Variants in ZNF469 observed in about 807,000 individuals in gnomAD.
ZNF469 encodes the protein zinc finger protein 469.
Under a neutral mutation model 1.0 loss-of-function variants are expected in ZNF469, and 1 was observed. The observed-to-expected ratio is 1.00, with a 90% CI of 0.35 to 4.73. ZNF469 has a LOEUF of 4.73. Among genes scored for constraint, ZNF469 ranks in the 30% most tolerant of loss-of-function variants. The pLI is 0.16. For synonymous variants in ZNF469, 2,703 were observed against 2,363.4 expected, an observed-to-expected ratio of 1.14 and a Z score of -4.17; for missense variants, 6,100 against 5,356.3, an observed-to-expected ratio of 1.14 and a Z score of -4.33.
the ZNF469 span, among the ~76,000 whole-genome samples, chr16:88,167,249 A>G: frequency 1.3e-5 from 2 of 151,620 alleles, no homozygotes; most frequent in Non-Finnish European, 2.9e-5. Flanking sequence ...TTTAGTAGAG[A>G]TGGGGTTTCA....
the ZNF469 span, among the ~76,000 whole-genome samples, chr16:88,239,519 C>T: frequency 5.4e-5 from 8 of 147,360 alleles, no homozygotes; most frequent in East Asian, 2.0e-4. Context: ...GACGGAGTCT[C>T]GCTCTGTCAC....
the ZNF469 span, among the ~76,000 whole-genome samples, chr16:88,209,770 C>G: frequency 3.3e-5 from 5 of 152,222 alleles, no homozygotes; most frequent in Admixed American, 6.5e-5. Flanking sequence ...TAGTACTCCA[C>G]TGTTTGGGCA....
At chr16:88,405,992 AC>A (rs1172385761) in intron 1 of ZNF469, among the ~76,000 whole-genome samples, 10 of 152,162 alleles carry the variant, frequency 6.6e-5, no homozygotes, top group Non-Finnish European at 1.5e-4. Context: ...GCTTTTGGGG[AC>A]TTTGAAGGAA....
chr16:88,414,444 G>A (rs1325030646), intron 1 of ZNF469, among the ~76,000 whole-genome samples: 1 of 152,242 alleles, frequency 6.6e-6, no homozygotes, highest in Non-Finnish European at 1.5e-5. Flanking sequence ...CCGCAGACTC[G>A]AGTTGTTGGA....
chr16:88,359,172 T>C, the ZNF469 span, among the ~76,000 whole-genome samples: 1 of 151,948 alleles, frequency 6.6e-6, no homozygotes, highest in Non-Finnish European at 1.5e-5. Context: ...TGCCTGCATT[T>C]GCTATTGTCT....
At chr16:88,146,069 G>A in the ZNF469 span, among the ~76,000 whole-genome samples, 1 of 152,344 alleles carries the variant, frequency 6.6e-6, no homozygotes, top group South Asian at 2.1e-4. Context: ...CACGGTGCCC[G>A]GTGCAGGGCC....
At chr16:88,287,810 C>G in the ZNF469 span, among the ~76,000 whole-genome samples, 1 of 152,288 alleles carries the variant, frequency 6.6e-6, no homozygotes, top group African/African-American at 2.4e-5. Context: ...CCGCATTAGC[C>G]TTATGGCCAG....
chr16:88,344,999 GT>G, the ZNF469 span, among the ~76,000 whole-genome samples: 1 of 152,250 alleles, frequency 6.6e-6, no homozygotes, highest in Non-Finnish European at 1.5e-5. Flanking sequence ...CTGACTTGGG[GT>G]TTGGCTGGTC....
chr16:88,155,966 G>C, the ZNF469 span, among the ~76,000 whole-genome samples: 1 of 152,156 alleles, frequency 6.6e-6, no homozygotes, highest in African/African-American at 2.4e-5. Context: ...GGTGCCTCTC[G>C]CATGATTGTG....
chr16:88,190,416 C>T, the ZNF469 span, among the ~76,000 whole-genome samples: 1 of 152,296 alleles, frequency 6.6e-6, no homozygotes, highest in Non-Finnish European at 1.5e-5. Context: ...CCTCTTAACT[C>T]ATGCAACAGG....
At chr16:88,104,240 C>T in the ZNF469 span, among the ~76,000 whole-genome samples, 4,428 of 113,754 alleles carry the variant, frequency 0.039, 181 homozygotes, top group East Asian at 0.21. Flanking sequence ...GCCTCCCAGA[C>T]GGTATCTTAA....
chr16:88,204,292 C>T, the ZNF469 span, among the ~76,000 whole-genome samples: 2 of 152,172 alleles, frequency 1.3e-5, no homozygotes, highest in Non-Finnish European at 2.9e-5. Flanking sequence ...GCCCCGTAAC[C>T]TCATAGAGCA....
chr16:88,213,519 G>C, the ZNF469 span, among the ~76,000 whole-genome samples: 1 of 152,178 alleles, frequency 6.6e-6, no homozygotes, highest in Non-Finnish European at 1.5e-5. Context: ...TCTTTTGTTA[G>C]CATAGCAAAA....
the ZNF469 span, among the ~76,000 whole-genome samples, chr16:88,301,865 C>A: frequency 6.6e-6 from 1 of 152,246 alleles, no homozygotes; most frequent in Non-Finnish European, 1.5e-5. Context: ...AGGCTGCAGG[C>A]AGGAGGGGGT....
chr16:88,329,350 C>T, the ZNF469 span, among the ~76,000 whole-genome samples: 3 of 152,210 alleles, frequency 2.0e-5, no homozygotes, highest in South Asian at 2.1e-4. Context: ...CACAGCTAGC[C>T]GATAAGGGAG....
the ZNF469 span, among the ~76,000 whole-genome samples, chr16:88,136,786 G>T: frequency 2.6e-5 from 4 of 152,212 alleles, no homozygotes; most frequent in East Asian, 7.7e-4. Context: ...CTCATGTACC[G>T]AGCGTGCCCA....
At chr16:88,366,320 T>C in the ZNF469 span, among the ~76,000 whole-genome samples, 1 of 149,768 alleles carries the variant, frequency 6.7e-6, no homozygotes, top group Non-Finnish European at 1.5e-5. Context: ...ACTATCACCG[T>C]CATTATCATT....
the ZNF469 span, among the ~76,000 whole-genome samples, chr16:88,169,826 G>A: frequency 6.6e-6 from 1 of 152,234 alleles, no homozygotes; most frequent in African/African-American, 2.4e-5. This position sits in a 1 kb window ranked among gnomAD's most constrained non-coding sequence, Gnocchi z 6.1. Flanking sequence ...CGGTGCATGA[G>A]GGTTCCTGTG....
At chr16:88,109,157 C>T in the ZNF469 span, among the ~76,000 whole-genome samples, 2 of 152,330 alleles carry the variant, frequency 1.3e-5, no homozygotes, top group Admixed American at 1.3e-4. Context: ...AATGCCTTCT[C>T]CTGGGAGCAG....
Sources: allele counts gnomAD v4.1 joint callset (sites outside exome capture counted in the v4.1 genomes callset), GRCh38; gene constraint gnomAD v4.1.1; non-coding constraint Gnocchi (gnomAD v3.1); transcripts MANE v1.5; gene names NCBI Gene and HGNC (gene_info 2026-07-23, HGNC 2026-07-21).